Variants in FRMD4B observed in about 807,000 individuals in gnomAD.
FRMD4B encodes FERM domain containing 4B, also known as FERM domain-containing protein 4B.
A neutral mutation model predicts 141.5 loss-of-function variants in FRMD4B; 74 were observed. The ratio of observed to expected loss-of-function variants is 0.52; its 90% CI spans 0.43 to 0.63. FRMD4B has a LOEUF of 0.63. FRMD4B is among the 30% of genes least tolerant of loss of function. The probability of loss-of-function intolerance (pLI) is 0.00; values close to 1 mark genes in which losing one functional copy is unlikely to be tolerated. For synonymous variants in FRMD4B, 506 were observed against 467.9 expected, an observed-to-expected ratio of 1.08 and a Z score of -1.05; for missense variants, 1,366 against 1,253.4, an observed-to-expected ratio of 1.09 and a Z score of -1.36.
At chr3:69,484,683 G>C (rs1483612449) in intron 1 of FRMD4B, among the ~76,000 whole-genome samples, 1 of 151,864 alleles carries the variant, frequency 6.6e-6, no homozygotes, top group Admixed American at 6.5e-5. Context: ...TAGCAGAGAG[G>C]ATAGCTCCTC....
intron 9 of FRMD4B, among the ~76,000 whole-genome samples, chr3:69,220,501 C>G (rs1342497217): frequency 3.3e-5 from 5 of 152,130 alleles, no homozygotes; most frequent in Admixed American, 3.3e-4. Flanking sequence ...GATCCAATTT[C>G]AAGATGCTAA....
chr3:69,414,531 G>T (rs1462172263), intron 2 of FRMD4B, among the ~76,000 whole-genome samples: 1 of 152,260 alleles, frequency 6.6e-6, no homozygotes, highest in South Asian at 2.1e-4. Flanking sequence ...GGCAGAAAAA[G>T]TCAATGGTAA....
At chr3:69,246,727 C>A (rs1428314512) in intron 7 of FRMD4B, among the ~76,000 whole-genome samples, 5 of 152,152 alleles carry the variant, frequency 3.3e-5, no homozygotes, top group Admixed American at 1.3e-4. Context: ...CAGTCCCACG[C>A]TCTCTCCACT....
At chr3:69,470,059 C>G (rs925091718) in intron 1 of FRMD4B, among the ~76,000 whole-genome samples, 1 of 152,084 alleles carries the variant, frequency 6.6e-6, no homozygotes, top group African/African-American at 2.4e-5. Flanking sequence ...ATTAGAGACT[C>G]CAAGATGATG....
At chr3:69,305,005 G>A (rs975063357) in intron 3 of FRMD4B, among the ~76,000 whole-genome samples, 3 of 152,106 alleles carry the variant, frequency 2.0e-5, no homozygotes, top group African/African-American at 2.4e-5. Flanking sequence ...AGTCTCTATC[G>A]AGTAATGACT....
chr3:69,414,395 A>G (rs1028216877), intron 2 of FRMD4B, among the ~76,000 whole-genome samples: 1 of 152,228 alleles, frequency 6.6e-6, no homozygotes, highest in African/African-American at 2.4e-5. Flanking sequence ...CTCGCTTTTT[A>G]CAAATCTATA....
chr3:69,190,781 G>A (rs1344653348), intron 17 of FRMD4B, among the ~76,000 whole-genome samples: 1 of 152,136 alleles, frequency 6.6e-6, no homozygotes, highest in Non-Finnish European at 1.5e-5. Flanking sequence ...CCTTTGTCCT[G>A]GGGAGATGTC....
intron 2 of FRMD4B, among the ~76,000 whole-genome samples, chr3:69,426,412 G>A (rs1705078958): frequency 6.6e-6 from 1 of 152,120 alleles, no homozygotes. Context: ...GAATAGTCCA[G>A]AAGTGGAAGG....
chr3:69,338,693 G>A (rs988888634), intron 1 of FRMD4B, among the ~76,000 whole-genome samples: 2 of 152,078 alleles, frequency 1.3e-5, no homozygotes, highest in Admixed American at 1.3e-4. Flanking sequence ...AGGGTAGAGG[G>A]TAGGAGGAGG....
At chr3:69,414,462 A>C (rs1289596692) in intron 2 of FRMD4B, among the ~76,000 whole-genome samples, 1 of 152,226 alleles carries the variant, frequency 6.6e-6, no homozygotes. Context: ...TCAGCGAAGG[A>C]AAATAATGCT....
At chr3:69,354,324 G>C (rs1343733122) in intron 1 of FRMD4B, among the ~76,000 whole-genome samples, 1 of 151,870 alleles carries the variant, frequency 6.6e-6, no homozygotes, top group Non-Finnish European at 1.5e-5. Context: ...TAGAATACTG[G>C]AAAAATAATA....
At chr3:69,375,532 T>A (rs1250905960) in intron 1 of FRMD4B, among the ~76,000 whole-genome samples, 2 of 152,180 alleles carry the variant, frequency 1.3e-5, no homozygotes, top group Non-Finnish European at 2.9e-5. Context: ...AAAGGTGAGT[T>A]ACGATTTGAA....
intron 1 of FRMD4B, among the ~76,000 whole-genome samples, chr3:69,385,585 T>A (rs763007406): frequency 1.9e-4 from 29 of 152,194 alleles, no homozygotes; most frequent in Non-Finnish European, 3.2e-4. Flanking sequence ...ACCATTGCTC[T>A]GTAACAGATG....
chr3:69,334,084 C>T (rs539683854), intron 1 of FRMD4B: 1 of 152,158 alleles, frequency 6.6e-6, no homozygotes, highest in African/African-American at 2.4e-5. Context: ...ATGGCTAACA[C>T]TCTTAAGATA....
At chr3:69,240,278 G>A (rs1186394932) in intron 7 of FRMD4B, among the ~76,000 whole-genome samples, 1 of 151,810 alleles carries the variant, frequency 6.6e-6, no homozygotes, top group Non-Finnish European at 1.5e-5. Context: ...TCAGAAGATC[G>A]AGACCATTCT....
chr3:69,316,384 A>G (rs1701803595), intron 1 of FRMD4B, among the ~76,000 whole-genome samples: 1 of 152,200 alleles, frequency 6.6e-6, no homozygotes, highest in South Asian at 2.1e-4. Flanking sequence ...AAAGTTTACA[A>G]CATGGCAACA....
intron 1 of FRMD4B, among the ~76,000 whole-genome samples, chr3:69,337,427 A>G (rs558410372): frequency 6.6e-6 from 1 of 152,374 alleles, no homozygotes; most frequent in Non-Finnish European, 1.5e-5. Flanking sequence ...CACCAAAAGC[A>G]ATGGCAACAA....
intron 5 of FRMD4B, among the ~76,000 whole-genome samples, chr3:69,257,060 G>C (rs1194354248): frequency 4.6e-5 from 7 of 152,130 alleles, no homozygotes; most frequent in Non-Finnish European, 1.0e-4. Context: ...CCTACCCCTG[G>C]CTGTGACAAC....
Position 69,278,753 on chromosome 3 carries a change from A to AT in FRMD4B, c.501+8998dup, listed in dbSNP as rs1197744272. Among the ~76,000 whole-genome samples, 46 of 151,602 alleles carry AT rather than the reference A, an allele frequency of 3.0e-4. No homozygotes were observed. The East Asian group carries it at 3.3e-3, about 11-fold the overall frequency. On this transcript the variant is annotated intron_variant, in intron 5 of 22. Coordinates refer to ENST00000398540, the MANE Select transcript of FRMD4B (RefSeq NM_015123.3). ...AGGCATGCGCCACTGCACCTGGCTA[A>AT]TTTTTTTTTATTTTTTGTAGAGACG...
Sources: gnomAD v4.1 joint callset for allele counts (sites outside exome capture counted in the v4.1 genomes callset) on GRCh38, gnomAD v4.1.1 for gene constraint, MANE v1.5 for transcripts, NCBI Gene and HGNC (gene_info 2026-07-23, HGNC 2026-07-21) for gene names.